The following RAB31 variants were observed in gnomAD, a reference collection of about 807,000 sequenced individuals.
The protein encoded by RAB31 is ras-related protein Rab-31.
RAB31 carries 21 observed loss-of-function variants against 25.6 expected under a neutral mutation model. The ratio of observed to expected loss-of-function variants is 0.82; its 90% confidence interval spans 0.58 to 1.18. The LOEUF (loss-of-function observed/expected upper bound fraction) is 1.18. Ranked by LOEUF, RAB31 falls within the 50% of genes most tolerant of loss-of-function variation. The pLI is 0.00. For synonymous variants in RAB31, 87 were observed against 84.0 expected, an observed-to-expected ratio of 1.04 and a Z score of -0.20; for missense variants, 196 against 250.1, an observed-to-expected ratio of 0.78 and a Z score of 1.46.
In RAB31 at chr18:9,862,494, A is replaced by T. The variant is rs373893815; in HGVS notation, c.*3169A>T. ...ATTTCCATCAACAATGCCTAATTGT[A>T]TCTGTTATTTTTGGTTTAACACACA... On this transcript the variant is annotated 3_prime_UTR_variant, in exon 7 of 7. Coordinates refer to ENST00000578921, the MANE Select transcript of RAB31 (RefSeq NM_006868.4). The T allele has an allele frequency of 6.6e-6, 1 of 152,238 alleles. No individual in the cohort carries two copies. Among genetic ancestry groups the T allele is most frequent in the Non-Finnish European group, 1.5e-5 (1 of 68,030 alleles). 9.4% of individuals were successfully genotyped at this position (152,238 alleles called of 1,614,324 possible). A position where few individuals can be genotyped will look rare whatever the true frequency, so the allele number is the denominator to read the frequency against.
At chr18:9,743,102 G>A (rs759269314) in intron 1 of RAB31, among the ~76,000 whole-genome samples, 12 of 152,094 alleles carry the variant, frequency 7.9e-5, no homozygotes, top group Non-Finnish European at 1.2e-4. Context: ...GAGGACATGC[G>A]GCAAAGCTTT....
rs2068773100 is a variant in RAB31 at position 9,848,512 on chromosome 18, G to A, written c.490+2821G>A. ...TTCATGTGAATTTCTTCAGAATGGA[G>A]TTCTGTAGCCTAATTGCAGGTTAAT... On this transcript the variant is annotated intron_variant, in intron 6 of 6. Coordinates refer to ENST00000578921, the MANE Select transcript of RAB31 (RefSeq NM_006868.4). Among the ~76,000 whole-genome samples, 4 of 152,224 alleles carry A rather than the reference G, an allele frequency of 2.6e-5. No homozygotes were observed. The South Asian group carries it at 8.3e-4, about 31-fold the overall frequency.
chr18:9,836,133 G>C (rs2068703034), intron 5 of RAB31, among the ~76,000 whole-genome samples: 1 of 152,088 alleles, frequency 6.6e-6, no homozygotes, highest in Non-Finnish European at 1.5e-5. Context: ...CACCGCTGCT[G>C]TGCTGCTCGT....
intron 1 of RAB31, among the ~76,000 whole-genome samples, chr18:9,735,798 C>A (rs1313952194): frequency 6.6e-6 from 1 of 152,190 alleles, no homozygotes; most frequent in Non-Finnish European, 1.5e-5. Context: ...CTTTCATTAT[C>A]ATTTTGATGT....
At chr18:9,829,762 C>G (rs140277723) in intron 5 of RAB31, among the ~76,000 whole-genome samples, 1 of 152,266 alleles carries the variant, frequency 6.6e-6, no homozygotes, top group East Asian at 1.9e-4. Context: ...TCCTAATTAC[C>G]TATAAAGTTG....
intron 3 of RAB31, among the ~76,000 whole-genome samples, chr18:9,807,032 G>GT (rs2068545213): frequency 6.6e-6 from 1 of 152,206 alleles, no homozygotes; most frequent in African/African-American, 2.4e-5. Context: ...GAAGGCTCTT[G>GT]TGGAAACTTT....
chr18:9,830,775 T>TA (rs766013289), intron 5 of RAB31: 2 of 152,244 alleles, frequency 1.3e-5, no homozygotes, highest in African/African-American at 2.4e-5. Flanking sequence ...ATCAGGAAGT[T>TA]ATTCCCCTAA....
intron 3 of RAB31, among the ~76,000 whole-genome samples, chr18:9,805,655 G>T (rs1237374247): frequency 6.6e-6 from 1 of 152,166 alleles, no homozygotes; most frequent in African/African-American, 2.4e-5. Flanking sequence ...ACACTATTCT[G>T]CCCACCACAC....
At chr18:9,838,891 A>C (rs1054255382) in intron 5 of RAB31, among the ~76,000 whole-genome samples, 10 of 151,436 alleles carry the variant, frequency 6.6e-5, no homozygotes, top group African/African-American at 2.4e-4. Flanking sequence ...TTTCCAGTTG[A>C]CTCTCAGCAC....
At position 9,811,118 on chromosome 18, in the gene RAB31, G is replaced by A. The variant is rs73385087; in HGVS notation, c.202-2902G>A. Among the ~76,000 whole-genome samples, 947 of 152,284 alleles carry A rather than the reference G, an allele frequency of 6.2e-3. 7 individuals are homozygous for A. Among genetic ancestry groups the A allele is most frequent in the African/African-American group, 0.021 (889 of 41,542 alleles). On this transcript the variant is annotated intron_variant, in intron 3 of 6. Transcript: ENST00000578921. The stretch of plus-strand genomic sequence containing the variant: ...CGGAAAGGCATGCATGGCAAATGTC[G>A]CTGTCCCCAAGTGCGTTCTGGAATG...
chr18:9,810,617 G>C (rs1459508568), intron 3 of RAB31, among the ~76,000 whole-genome samples: 1 of 152,172 alleles, frequency 6.6e-6, no homozygotes, highest in Non-Finnish European at 1.5e-5. Context: ...AGGAAGGAAA[G>C]AATGAGTAAT....
At chr18:9,737,313 A>G (rs912429989) in intron 1 of RAB31, among the ~76,000 whole-genome samples, 1 of 152,212 alleles carries the variant, frequency 6.6e-6, no homozygotes. Context: ...ACGTGCACAC[A>G]CACACACACC....
intron 5 of RAB31, among the ~76,000 whole-genome samples, chr18:9,821,236 A>G (rs1488175791): frequency 6.6e-6 from 1 of 151,968 alleles, no homozygotes; most frequent in African/African-American, 2.4e-5. Flanking sequence ...ACATTTATTG[A>G]GGCTTGTTTT....
intron 5 of RAB31, among the ~76,000 whole-genome samples, chr18:9,823,209 G>A (rs1373167910): frequency 2.0e-5 from 3 of 152,156 alleles, no homozygotes; most frequent in African/African-American, 7.2e-5. Context: ...TAGAAATAGA[G>A]GATAGATTAC....
At chr18:9,833,123 A>G (rs1280535473) in intron 5 of RAB31, among the ~76,000 whole-genome samples, 1 of 152,238 alleles carries the variant, frequency 6.6e-6, no homozygotes, top group Admixed American at 6.5e-5. Flanking sequence ...CCAGGAATCG[A>G]AAAAAGACAC....
intron 6 of RAB31, 85 bp downstream of exon 6, chr18:9,845,776 T>C: frequency 2.8e-6 from 4 of 1,435,450 alleles, no homozygotes; most frequent in Non-Finnish European, 3.7e-6. Flanking sequence ...AACTCTGAAG[T>C]GAACTTTTCC....
At chr18:9,711,283 C>T (rs1339717176) in intron 1 of RAB31, among the ~76,000 whole-genome samples, 1 of 152,174 alleles carries the variant, frequency 6.6e-6, no homozygotes, top group Non-Finnish European at 1.5e-5. Flanking sequence ...CTCCTGGGCT[C>T]AGTGGATCCT....
chr18:9,822,597 A>G (rs1364376430), intron 5 of RAB31, among the ~76,000 whole-genome samples: 1 of 152,214 alleles, frequency 6.6e-6, no homozygotes, highest in Non-Finnish European at 1.5e-5. Context: ...TGTAGACTAT[A>G]TAAAGAACTC....
At chr18:9,820,919 C>T (rs1321303497) in intron 5 of RAB31, among the ~76,000 whole-genome samples, 7 of 151,882 alleles carry the variant, frequency 4.6e-5, no homozygotes, top group Admixed American at 2.0e-4. Flanking sequence ...TTTCCTTCCT[C>T]CTGTTTACTT....
Sources: allele counts gnomAD v4.1 joint callset (sites outside exome capture counted in the v4.1 genomes callset), GRCh38; gene constraint gnomAD v4.1.1; transcripts MANE v1.5; gene names NCBI Gene and HGNC (gene_info 2026-07-23, HGNC 2026-07-21).